Variants in COX6A1 observed in about 807,000 individuals in gnomAD.
COX6A1 encodes the protein cytochrome c oxidase subunit 6A1.
Under a neutral mutation model 11.3 loss-of-function variants are expected in COX6A1, and 10 were observed. That is an observed-to-expected ratio of 0.88 (90% confidence interval 0.54 to 1.50). The LOEUF (loss-of-function observed/expected upper bound fraction) is 1.50. Among genes scored for constraint, COX6A1 ranks in the 40% most tolerant of loss-of-function variants. The pLI is 0.00. For synonymous variants in COX6A1, 81 were observed against 60.6 expected, an observed-to-expected ratio of 1.34 and a Z score of -1.57; for missense variants, 149 against 147.6, an observed-to-expected ratio of 1.01 and a Z score of -0.05.
At chr12:120,440,338 G>C (rs1877691856) in intron 2 of COX6A1, 116 bp from the exon 3 acceptor site, 1 of 719,156 alleles carries the variant, frequency 1.4e-6, no homozygotes, top group South Asian at 1.8e-5. Context: ...GTAGATAAAG[G>C]ACTAATTTCC....
chr12:120,440,612 A>G lies in COX6A1; in HGVS notation c.*75A>G. ...GACCGTTACTCTGCACATGGACCAG[A>G]AAAAGTATATGGGACCTTAAGCTCA... On this transcript the variant is annotated 3_prime_UTR_variant, in exon 3 of 3. Transcript: ENST00000229379. 2 of 1,120,968 alleles carry G rather than the reference A, an allele frequency of 1.8e-6. No homozygotes were observed. Among genetic ancestry groups the G allele is most frequent in the Non-Finnish European group, 2.7e-6 (2 of 737,830 alleles). 69.4% of individuals were successfully genotyped at this position (1,120,968 alleles called of 1,614,324 possible).
chr12:120,440,349 A>G, intron 2 of COX6A1, 105 bp from the exon 3 acceptor site: 1 of 823,790 alleles, frequency 1.2e-6, no homozygotes, highest in Non-Finnish European at 2.0e-6. Flanking sequence ...ACTAATTTCC[A>G]TTTTGTTTTT....
intron 1 of COX6A1, 42 bp downstream of exon 1, chr12:120,438,271 C>G (rs1877621254): frequency 6.2e-7 from 1 of 1,611,970 alleles, no homozygotes; most frequent in Non-Finnish European, 8.5e-7. Context: ...CAGCCCCACT[C>G]GGGCGAGACA....
intron 2 of COX6A1, among the ~76,000 whole-genome samples, chr12:120,439,442 T>C (rs1402005680): frequency 1.3e-5 from 2 of 151,726 alleles, no homozygotes; most frequent in Admixed American, 6.6e-5. Context: ...TGGGAGAATC[T>C]AGGAGGTTGA....
At position 120,439,567 on chromosome 12, in the gene COX6A1, C is replaced by T. The variant is rs556511123; in HGVS notation, c.247-887C>T. Among the ~76,000 whole-genome samples the T allele has an allele frequency of 3.3e-5, 5 of 152,000 alleles. 1 individual carries two copies. The highest frequency in any genetic ancestry group is 1.2e-4 in the African/African-American group (5 of 41,454). On this transcript the variant is annotated intron_variant, in intron 2 of 2. Transcript: ENST00000229379. ...TAGTAATAATATACTTGATCTTAGC[C>T]AAAAGGCCGAGAAGTGATGAAAAAA... is the stretch of plus-strand genomic sequence containing the variant.
chr12:120,439,399 C>T (rs1043760605), intron 2 of COX6A1, among the ~76,000 whole-genome samples: 31 of 151,958 alleles, frequency 2.0e-4, no homozygotes, highest in African/African-American at 7.3e-4. Flanking sequence ...TGGTGGCGGG[C>T]GCCTGTAATC....
In COX6A1 at chr12:120,438,243, G is replaced by T; in HGVS notation, c.103+14G>T. ...AAGAGGGCTCAGGTACTGGGGCCGG[G>T]GTCGACGGGTCGAGCCTCAGCCCCA... On this transcript the variant is annotated intron_variant, in intron 1 of 2. Coordinates refer to ENST00000229379, the MANE Select transcript of COX6A1 (RefSeq NM_004373.4). The T allele has an allele frequency of 6.2e-7, 1 of 1,612,538 alleles. No homozygotes were observed. The highest frequency in any genetic ancestry group is 8.5e-7 in the Non-Finnish European group (1 of 1,179,440).
rs376239130 is a variant in COX6A1, at chr12:120,438,788, CTTTTTTTTTT to C, written c.246+284_246+293del. On this transcript the variant is annotated intron_variant, in intron 2 of 2. Coordinates refer to ENST00000229379, the MANE Select transcript of COX6A1 (RefSeq NM_004373.4). ...CTACCTCCTGCCTTCTGAGACAGTT[CTTTTTTTTTT>C]TTTTTTTTTTTTTTTTACTTCTGAG... 1.4e-4 allele frequency: 17 copies of C among 120,082 alleles called. No individual in the cohort carries two copies. The East Asian group carries it at 3.5e-3, about 25-fold the overall frequency. 7.4% of individuals were successfully genotyped at this position (120,082 alleles called of 1,614,324 possible).
At position 120,438,379 on chromosome 12, in the gene COX6A1, C is replaced by G. The variant is rs756407289; in HGVS notation, c.104C>G (p.Ala35Gly). 3 of 1,614,234 alleles carry G rather than the reference C, an allele frequency of 1.9e-6. No individual in the cohort carries two copies. Among genetic ancestry groups the G allele is most frequent in the South Asian group, 2.2e-5 (2 of 91,088 alleles). Residue 35 changes from alanine (A) to glycine (G), a missense_variant and splice_region_variant, in exon 2 of 3, where the codon GCT becomes GGT. Physicochemically the swap from Ala to Gly is moderately conservative, Grantham distance 60. Coordinates refer to ENST00000229379, the MANE Select transcript of COX6A1 (RefSeq NM_004373.4). Reference sequence around the variant, plus strand: ...CTGAACGTTTGTGGCTTCTCCGCAGCTCGCATGTGGAAGACTCTCACCTTC... The same window carrying G: ...CTGAACGTTTGTGGCTTCTCCGCAGGTCGCATGTGGAAGACTCTCACCTTC... ...SSGAHGEEGS[A>G]RMWKTLTFFV...
At chr12:120,438,259 C>T (rs745843322) in intron 1 of COX6A1, 30 bp downstream of exon 1, 2 of 1,612,342 alleles carry the variant, frequency 1.2e-6, no homozygotes, top group Non-Finnish European at 1.7e-6. Context: ...CGGGTCGAGC[C>T]TCAGCCCCAC....
At chr12:120,438,731 T>G (rs1192005984) in intron 2 of COX6A1, 4 of 584,302 alleles carry the variant, frequency 6.8e-6, no homozygotes, top group Non-Finnish European at 1.2e-5. Flanking sequence ...ATACAATAAG[T>G]GCTCTTCAGT....
Position 120,438,632 on chromosome 12 carries a change from A to G in COX6A1, c.246+111A>G, listed in dbSNP as rs1472760311. ...GGTGCCAGGCGTGTACAGCTTGTTTATCCTCACAAACAGAAAATGTATTTT... is the reference window on the plus strand; with the variant it reads ...GGTGCCAGGCGTGTACAGCTTGTTTGTCCTCACAAACAGAAAATGTATTTT... On this transcript the variant is annotated intron_variant, in intron 2 of 2. Coordinates refer to ENST00000229379, the MANE Select transcript of COX6A1 (RefSeq NM_004373.4). 5.6e-6 allele frequency: 8 copies of G among 1,438,464 alleles called. No individual in the cohort carries two copies. In the East Asian group the frequency reaches 1.8e-4, roughly 33 times the overall value. The allele number at this position is 1,438,464 out of a possible 1,614,324, so 89.1% of individuals were successfully genotyped here. A position where few individuals can be genotyped will look rare whatever the true frequency, so the allele number is the denominator to read the frequency against.
chr12:120,439,253 G>A (rs1877655535), intron 2 of COX6A1, among the ~76,000 whole-genome samples: 2 of 152,158 alleles, frequency 1.3e-5, no homozygotes, highest in Admixed American at 6.6e-5. Context: ...CTGGCCATGC[G>A]CGGTGGCTCA....
chr12:120,439,612 TTATTAC>T (rs763709522), intron 2 of COX6A1, among the ~76,000 whole-genome samples: 11 of 152,094 alleles, frequency 7.2e-5, no homozygotes, highest in African/African-American at 2.4e-5. Flanking sequence ...ATTATTATTA[TTATTAC>T]ATCACCTAGC....
chr12:120,440,186 A>C, intron 2 of COX6A1: 5 of 351,334 alleles, frequency 1.4e-5, no homozygotes, highest in South Asian at 1.3e-4. Context: ...GGAGAGGATG[A>C]TGAGTAACTA....
rs1877701622 is a variant in COX6A1 at position 120,440,684 on chromosome 12, C to T, written c.*147C>T. 10 of 539,350 alleles carry T rather than the reference C, an allele frequency of 1.9e-5. No individual in the cohort carries two copies. Among genetic ancestry groups the T allele is most frequent in the African/African-American group, 3.8e-5 (2 of 52,092 alleles). 33.4% of individuals were successfully genotyped at this position (539,350 alleles called of 1,614,324 possible). On this transcript the variant is annotated 3_prime_UTR_variant, in exon 3 of 3. Coordinates refer to ENST00000229379, the MANE Select transcript of COX6A1 (RefSeq NM_004373.4). The stretch of plus-strand genomic sequence containing the variant: ...GATGACTGGTATACTGGTCTCCCAT[C>T]CCTTTGCTTGTGGCAGGAGATGGCT...
rs763801945 is a variant in COX6A1 at position 120,438,200 on chromosome 12, C to T, written c.74C>T (p.Ser25Leu). The change falls in exon 1 of 3, where the codon TCG (serine) becomes TTG (leucine). Residue 25 changes from serine (S) to leucine (L), a missense_variant. Ser to Leu is a moderately radical substitution (Grantham distance 145). Transcript: ENST00000229379. ...RSRPQLGRPM[S>L]SGAHGEEGSA... is the part of the protein sequence containing the mutation. The stretch of plus-strand genomic sequence containing the variant: ...CGCCCACAGCTGGGGCGGCCTATGT[C>T]GAGTGGCGCCCATGGCGAAGAGGGC... 1.5e-5 allele frequency: 24 copies of T among 1,613,754 alleles called. No individual in the cohort carries two copies. Among genetic ancestry groups the T allele is most frequent in the African/African-American group, 5.3e-5 (4 of 74,930 alleles).
intron 2 of COX6A1, chr12:120,440,164 A>G (rs1291053366): frequency 6.8e-6 from 2 of 295,554 alleles, no homozygotes; most frequent in African/African-American, 2.2e-5. Flanking sequence ...CACTGGATAT[A>G]CTAGTTACTA....
chr12:120,438,401 C>T lies in COX6A1; in HGVS notation c.126C>T (p.Thr42=). The change falls in exon 2 of 3, where the codon ACC becomes ACT. Residue 42 remains threonine, a synonymous_variant. Transcript: ENST00000229379. ...EGSARMWKTL[T]FFVALPGVAV... is the part of the protein sequence containing the mutation. Reference sequence around the variant, plus strand: ...CAGCTCGCATGTGGAAGACTCTCACCTTCTTCGTCGCGCTCCCCGGGGTGG... The same window carrying T: ...CAGCTCGCATGTGGAAGACTCTCACTTTCTTCGTCGCGCTCCCCGGGGTGG... The T allele has an allele frequency of 1.9e-6, 3 of 1,614,242 alleles. No homozygotes were observed. The highest frequency in any genetic ancestry group is 2.5e-6 in the Non-Finnish European group (3 of 1,180,040).
Sources: gnomAD v4.1 joint callset for allele counts (sites outside exome capture counted in the v4.1 genomes callset) on GRCh38, gnomAD v4.1.1 for gene constraint, MANE v1.5 for transcripts, NCBI Gene and HGNC (gene_info 2026-07-23, HGNC 2026-07-21) for gene names.